The following STX16 variants were observed in gnomAD, a reference collection of about 807,000 sequenced individuals.
STX16 encodes the protein syntaxin-16.
A neutral mutation model predicts 42.7 loss-of-function variants in STX16; 28 were observed. The observed-to-expected ratio is 0.66, with a 90% CI of 0.49 to 0.90. The LOEUF is 0.90. Among genes scored for constraint, STX16 ranks in the 40% least tolerant of loss-of-function variants. STX16 has a pLI of 0.00. For missense variants in STX16, 361 were observed against 420.9 expected (o/e 0.86, Z 1.24); for synonymous variants, 156 against 155.2 (o/e 1.00, Z -0.04).
At chr20:58,669,263 G>A in intron 4 of STX16, 28 bp from the exon 5 acceptor site, 1 of 1,606,102 alleles carries the variant, frequency 6.2e-7, no homozygotes, top group Non-Finnish European at 8.5e-7. Context: ...TCCCAGGCTT[G>A]CCCTGAGCCT....
intron 4 of STX16, 85 bp downstream of exon 4, chr20:58,668,212 TCCTG>T: frequency 6.6e-7 from 1 of 1,522,786 alleles, no homozygotes; most frequent in Non-Finnish European, 8.9e-7. Flanking sequence ...AGAATCAGTC[TCCTG>T]GAGTCATTTC....
At chr20:58,671,956 C>T (rs2083987623) in intron 7 of STX16, among the ~76,000 whole-genome samples, 2 of 152,010 alleles carry the variant, frequency 1.3e-5, no homozygotes, top group Admixed American at 6.6e-5. Flanking sequence ...TGAGTGTTAA[C>T]ATGATGCCAC....
rs2084179553 is a variant in STX16, at chr20:58,678,137, CTGT to C, written c.*1847_*1849del. On this transcript the variant is annotated 3_prime_UTR_variant, in exon 9 of 9. Transcript: ENST00000371141. ...AGATCTGCTGCTCTTAGGTGTGGGG[CTGT>C]CCACATTAGGGAACTTGCCTCAAAA... 6.6e-6 allele frequency: 1 copy of C among 152,240 alleles called. No homozygotes were observed. Among genetic ancestry groups the C allele is most frequent in the Non-Finnish European group, 1.5e-5 (1 of 68,066 alleles). 9.4% of individuals were successfully genotyped at this position (152,240 alleles called of 1,614,324 possible).
chr20:58,668,207 C>T (rs1457985219), intron 4 of STX16, 80 bp downstream of exon 4: 1 of 1,548,060 alleles, frequency 6.5e-7, no homozygotes, highest in East Asian at 2.3e-5. Flanking sequence ...TACTCAGAAT[C>T]AGTCTCCTGG....
At chr20:58,653,645 TG>T (rs1445562747) in intron 1 of STX16, among the ~76,000 whole-genome samples, 1 of 152,184 alleles carries the variant, frequency 6.6e-6, no homozygotes. Flanking sequence ...GAGTAGAAAT[TG>T]GATGAATTCA....
At chr20:58,663,826 T>C (rs1373047136) in intron 2 of STX16, among the ~76,000 whole-genome samples, 2 of 152,130 alleles carry the variant, frequency 1.3e-5, no homozygotes, top group Non-Finnish European at 2.9e-5. Context: ...TACAGGTGCA[T>C]GCCACCATGC....
At chr20:58,668,496 GA>G (rs2083893751) in intron 4 of STX16, among the ~76,000 whole-genome samples, 1 of 152,082 alleles carries the variant, frequency 6.6e-6, no homozygotes, top group Non-Finnish European at 1.5e-5. Flanking sequence ...TAGTATCCTA[GA>G]AAAAATTTTT....
chr20:58,655,934 C>T (rs1295120404), intron 1 of STX16, among the ~76,000 whole-genome samples: 1 of 152,180 alleles, frequency 6.6e-6, no homozygotes, highest in Non-Finnish European at 1.5e-5. Flanking sequence ...TGACTTTATG[C>T]ACTCCTAACA....
In STX16 at chr20:58,670,614, G is replaced by T; in HGVS notation, c.648+11G>T. The T allele has an allele frequency of 6.2e-7, 1 of 1,610,644 alleles. No individual in the cohort carries two copies. The highest frequency in any genetic ancestry group is 1.1e-5 in the South Asian group (1 of 90,934). On this transcript the variant is annotated intron_variant, in intron 6 of 8. Transcript: ENST00000371141. ...ACTCTTTACCATCGGGTACGTGAAC[G>T]GGCTGCAAAGCTGATTGCTGTGTCT...
At chr20:58,673,492 C>T in intron 7 of STX16, 139 bp from the exon 8 acceptor site, 1 of 602,154 alleles carries the variant, frequency 1.7e-6, no homozygotes, top group Non-Finnish European at 3.0e-6. Flanking sequence ...CCAGAGCCCT[C>T]CGTGTGTACC....
chr20:58,675,609 G>A (rs2084095141), intron 8 of STX16, among the ~76,000 whole-genome samples: 1 of 152,202 alleles, frequency 6.6e-6, no homozygotes, highest in African/African-American at 2.4e-5. Context: ...CTGGGAGGAC[G>A]CGCCTCAGAG....
At chr20:58,674,056 C>T (rs1284301093) in intron 8 of STX16, among the ~76,000 whole-genome samples, 2 of 152,156 alleles carry the variant, frequency 1.3e-5, no homozygotes, top group Non-Finnish European at 2.9e-5. Context: ...TGGGCATTTG[C>T]TAAAATATGT....
At chr20:58,676,093 C>CAG in intron 8 of STX16, 94 bp from the exon 9 acceptor site, 1 of 963,018 alleles carries the variant, frequency 1.0e-6, no homozygotes, top group South Asian at 1.4e-5. Flanking sequence ...AGTCACTGTG[C>CAG]AGAGAGATCT....
At position 58,651,513 on chromosome 20, in the gene STX16, G is replaced by A. The variant is rs1018502247; in HGVS notation, c.-494G>A. 2 of 156,784 alleles carry A rather than the reference G, an allele frequency of 1.3e-5. No individual in the cohort carries two copies. Among genetic ancestry groups the A allele is most frequent in the South Asian group, 1.7e-4 (1 of 5,964 alleles). 9.7% of individuals were successfully genotyped at this position (156,784 alleles called of 1,614,324 possible). ...AGCCTGGCTCCGGTTGTCCAAAGAGGGCCTAGGCCAGGCCTCTGGTGCGGA... is the reference window on the plus strand; with the variant it reads ...AGCCTGGCTCCGGTTGTCCAAAGAGAGCCTAGGCCAGGCCTCTGGTGCGGA... On this transcript the variant is annotated 5_prime_UTR_variant, in exon 1 of 9. Coordinates refer to ENST00000371141, the MANE Select transcript of STX16 (RefSeq NM_001001433.3).
At position 58,671,198 on chromosome 20, in the gene STX16, G is replaced by C; in HGVS notation, c.693G>C (p.Leu231=). 6.2e-7 allele frequency: 1 copy of C among 1,614,168 alleles called. No homozygotes were observed. The highest frequency in any genetic ancestry group is 1.7e-5 in the Admixed American group (1 of 60,022). Residue 231 remains leucine (L), a synonymous_variant, in exon 7 of 9, where the codon CTG becomes CTC. Transcript: ENST00000371141. ...DQLVLVEQNT[L]MVEEREREIR... Reference sequence around the variant, plus strand: ...TAGTTCTGGTGGAGCAGAACACACTGATGGTGGAAGAGCGGGAACGAGAGA... The same window carrying C: ...TAGTTCTGGTGGAGCAGAACACACTCATGGTGGAAGAGCGGGAACGAGAGA...
intron 8 of STX16, among the ~76,000 whole-genome samples, chr20:58,675,165 C>CGA (rs897377799): frequency 1.6e-4 from 25 of 152,222 alleles, no homozygotes; most frequent in African/African-American, 6.0e-4. Context: ...ACCGGACTCT[C>CGA]GGTGCTGTCC....
At chr20:58,659,577 C>A in intron 1 of STX16, 46 bp from the exon 2 acceptor site, 1 of 1,596,622 alleles carries the variant, frequency 6.3e-7, no homozygotes, top group Non-Finnish European at 8.5e-7. Flanking sequence ...TTTCTTTGTG[C>A]TTTCCCCAAC....
intron 1 of STX16, among the ~76,000 whole-genome samples, chr20:58,658,046 C>G (rs1200733449): frequency 2.0e-5 from 3 of 152,146 alleles, no homozygotes; most frequent in African/African-American, 7.2e-5. Flanking sequence ...GCCCTAGAAT[C>G]CCATGATTCT....
intron 2 of STX16, 132 bp downstream of exon 2, chr20:58,659,766 T>C: frequency 1.1e-6 from 1 of 925,172 alleles, no homozygotes; most frequent in Non-Finnish European, 1.6e-6. Flanking sequence ...GATTACTTTA[T>C]AATTTTTTTA....
Sources: allele counts gnomAD v4.1 joint callset (sites outside exome capture counted in the v4.1 genomes callset), GRCh38; gene constraint gnomAD v4.1.1; transcripts MANE v1.5; gene names NCBI Gene and HGNC (gene_info 2026-07-23, HGNC 2026-07-21).